Variants in ZNF521 observed in about 807,000 individuals in gnomAD.
ZNF521 encodes LYST-interacting protein 3.
A neutral mutation model predicts 105.5 loss-of-function variants in ZNF521; 14 were observed. That is an observed-to-expected ratio of 0.13 (90% CI 0.09 to 0.21). ZNF521 has a LOEUF of 0.21. ZNF521 is among the 10% of genes least tolerant of loss of function. ZNF521 has a pLI of 1.00. For missense variants in ZNF521, 1,233 were observed against 1,629.7 expected (o/e 0.76, Z 4.19); for synonymous variants, 635 against 606.0 (o/e 1.05, Z -0.70).
At chr18:25,166,375 T>C (rs751011179) in intron 5 of ZNF521, among the ~76,000 whole-genome samples, 21 of 152,200 alleles carry the variant, frequency 1.4e-4, no homozygotes, top group Non-Finnish European at 2.1e-4. Flanking sequence ...ACTAGATAAA[T>C]AGAATTTGCC....
intron 5 of ZNF521, among the ~76,000 whole-genome samples, chr18:25,124,718 T>A (rs1328548268): frequency 6.6e-6 from 1 of 152,180 alleles, no homozygotes; most frequent in African/African-American, 2.4e-5. Flanking sequence ...CTAGTAAAAA[T>A]TCTATCTATT....
In ZNF521 at chr18:25,292,064, A is replaced by C. The variant is rs530078616; in HGVS notation, c.220+29944T>G. The stretch of plus-strand genomic sequence containing the variant: ...AAAAAGGAGGGGAATAAAAAGAAGA[A>C]AAAGTGCTATCCAAGGTTATTGTCT... On this transcript the variant is annotated intron_variant, in intron 3 of 7. Transcript: ENST00000361524. Among the ~76,000 whole-genome samples, 14 of 152,354 alleles carry C rather than the reference A, an allele frequency of 9.2e-5. No homozygotes were observed. In the South Asian group the frequency reaches 2.9e-3, roughly 32 times the overall value.
chr18:25,065,382 C>T (rs545979499), intron 7 of ZNF521, among the ~76,000 whole-genome samples: 4 of 152,064 alleles, frequency 2.6e-5, no homozygotes, highest in South Asian at 2.1e-4. Context: ...GTTTCATGCA[C>T]AAAATTATTG....
chr18:25,224,110 A>G (rs776748988), intron 4 of ZNF521: 7 of 491,874 alleles, frequency 1.4e-5, no homozygotes, highest in Admixed American at 6.9e-5. Context: ...TAGAGAAGAC[A>G]ATATCCTAGG....
intron 2 of ZNF521, among the ~76,000 whole-genome samples, chr18:25,333,026 T>C (rs1418853052): frequency 6.6e-6 from 1 of 151,976 alleles, no homozygotes; most frequent in African/African-American, 2.4e-5. Flanking sequence ...TATATTTGTA[T>C]AGTATTTATG....
intron 3 of ZNF521, among the ~76,000 whole-genome samples, chr18:25,279,466 C>T (rs918982362): frequency 6.6e-6 from 1 of 152,100 alleles, no homozygotes; most frequent in Non-Finnish European, 1.5e-5. Context: ...TAACAGGCAA[C>T]AAAAAACTCC....
chr18:25,312,546 C>A (rs1268035158), intron 3 of ZNF521, among the ~76,000 whole-genome samples: 1 of 36,786 alleles, frequency 2.7e-5, no homozygotes, highest in African/African-American at 1.0e-4. Flanking sequence ...GGCGCGGTGG[C>A]TCACGCCTGT....
chr18:25,154,443 G>A (rs969851315), intron 5 of ZNF521, among the ~76,000 whole-genome samples: 2 of 152,110 alleles, frequency 1.3e-5, no homozygotes, highest in Non-Finnish European at 2.9e-5. Flanking sequence ...TGATGGGATG[G>A]TTCTAAGGAA....
At position 25,227,913 on chromosome 18, in the gene ZNF521, G is replaced by T. The variant is rs189274952; in HGVS notation, c.221-216C>A. On this transcript the variant is annotated intron_variant, in intron 3 of 7. Transcript: ENST00000361524. This position sits in a 1 kb window ranked among gnomAD's most constrained non-coding sequence, Gnocchi z 5.7. ...TTTGTTGAGTTGTAAAATATAAGAG[G>T]ATATTAAATAGTTCTATGTCTAAAT... 8.3e-4 allele frequency among the ~76,000 whole-genome samples: 126 copies of T among 152,234 alleles called. No individual in the cohort carries two copies. The highest frequency in any genetic ancestry group is 2.8e-3 in the African/African-American group (116 of 41,546).
intron 3 of ZNF521, among the ~76,000 whole-genome samples, chr18:25,260,560 T>C (rs1908837290): frequency 6.6e-6 from 1 of 152,186 alleles, no homozygotes; most frequent in African/African-American, 2.4e-5. Flanking sequence ...AAAATATGTA[T>C]TATATCTAGC....
intron 2 of ZNF521, among the ~76,000 whole-genome samples, chr18:25,322,564 G>A (rs1185464939): frequency 3.6e-5 from 5 of 139,334 alleles, no homozygotes; most frequent in African/African-American, 1.3e-4. Context: ...CCCCCCCACT[G>A]TGCTTAAGAA....
intron 7 of ZNF521, among the ~76,000 whole-genome samples, chr18:25,075,771 C>T (rs1482275152): frequency 6.6e-6 from 1 of 152,190 alleles, no homozygotes; most frequent in Non-Finnish European, 1.5e-5. Flanking sequence ...ACTGAATCCA[C>T]GCACGGCGCA....
rs1053700926 is a variant in ZNF521 at position 25,212,300 on chromosome 18, A to G, written c.3573+12045T>C. Among the ~76,000 whole-genome samples, 126 of 151,408 alleles carry G rather than the reference A, an allele frequency of 8.3e-4. 4 individuals are homozygous for G. The highest frequency in any genetic ancestry group is 2.4e-4 in the Non-Finnish European group (16 of 67,854). ...GCCAAGGTGGGCAGATCACAAGGTC[A>G]GCAGTTCGAGACCAGCCTGGCCAAC... On this transcript the variant is annotated intron_variant, in intron 4 of 7. Coordinates refer to ENST00000361524, the MANE Select transcript of ZNF521 (RefSeq NM_015461.3).
intron 7 of ZNF521, among the ~76,000 whole-genome samples, chr18:25,069,356 T>C: frequency 6.6e-6 from 1 of 152,106 alleles, no homozygotes; most frequent in African/African-American, 2.4e-5. Flanking sequence ...CTTAATAAGG[T>C]TAACAGGATG....
chr18:25,239,909 A>G (rs1907189416), intron 3 of ZNF521, among the ~76,000 whole-genome samples: 1 of 152,028 alleles, frequency 6.6e-6, no homozygotes, highest in Admixed American at 6.6e-5. Flanking sequence ...TTGCAGTCAA[A>G]GCAGTTAACA....
intron 3 of ZNF521, among the ~76,000 whole-genome samples, chr18:25,273,866 T>A (rs914563214): frequency 6.6e-6 from 1 of 152,174 alleles, no homozygotes; most frequent in Non-Finnish European, 1.5e-5. Context: ...TTAGGATAAG[T>A]ACAGTTTTCT....
At chr18:25,308,193 CAAAAAAAAAAAAA>C (rs756580169) in intron 3 of ZNF521, among the ~76,000 whole-genome samples, 2 of 31,096 alleles carry the variant, frequency 6.4e-5, no homozygotes, top group South Asian at 1.7e-3. Flanking sequence ...GACTGCATCT[CAAAAAAAAAAAAA>C]AAAAAAAAAA....
At chr18:25,264,355 A>C (rs1202338276) in intron 3 of ZNF521, among the ~76,000 whole-genome samples, 1 of 152,246 alleles carries the variant, frequency 6.6e-6, no homozygotes, top group Admixed American at 6.5e-5. Flanking sequence ...AATTTCTGGA[A>C]TATACTCAAC....
Position 25,227,073 on chromosome 18 carries a change from T to G in ZNF521, c.845A>C (p.Gln282Pro). The G allele has an allele frequency of 6.2e-7, 1 of 1,614,122 alleles. No homozygotes were observed. The highest frequency in any genetic ancestry group is 8.5e-7 in the Non-Finnish European group (1 of 1,180,010). ...CSPNEDRAAL[Q>P]CVYCHELFVE... ...GAAGAGCTCGTGGCAGTAGACACACTGGAGGGCCGCTCGGTCCTCATTTGG... is the reference window on the plus strand; with the variant it reads ...GAAGAGCTCGTGGCAGTAGACACACGGGAGGGCCGCTCGGTCCTCATTTGG... The change falls in exon 4 of 8, where the codon CAG (glutamine) becomes CCG (proline). Residue 282 changes from glutamine (Q) to proline (P), a missense_variant. Around this residue, in one of 6 missense-constraint regions of ZNF521, gnomAD observed 380 missense variants for 478.0 expected, o/e 0.80. Coordinates refer to ENST00000361524, the MANE Select transcript of ZNF521 (RefSeq NM_015461.3). This position sits in a 1 kb window ranked among gnomAD's most constrained non-coding sequence, Gnocchi z 5.7.
Sources: allele counts gnomAD v4.1 joint callset (sites outside exome capture counted in the v4.1 genomes callset), GRCh38; gene constraint gnomAD v4.1.1; regional missense constraint gnomAD v4.1.1; non-coding constraint Gnocchi (gnomAD v3.1); transcripts MANE v1.5; gene names NCBI Gene and HGNC (gene_info 2026-07-23, HGNC 2026-07-21).